The following DDX47 variants were observed in gnomAD, a reference collection of about 807,000 sequenced individuals.
DDX47 encodes DEAD-box helicase 47.
DDX47 carries 60 observed loss-of-function variants against 58.8 expected under a neutral mutation model. The ratio of observed to expected loss-of-function variants is 1.02; its 90% CI spans 0.83 to 1.26. The LOEUF is 1.26. DDX47 is among the 50% of genes most tolerant of loss of function. The pLI is 0.00. For missense variants in DDX47, 530 were observed against 573.2 expected, an observed-to-expected ratio of 0.92 and a Z score of 0.77; for synonymous variants, 197 against 204.6, an observed-to-expected ratio of 0.96 and a Z score of 0.32.
chr12:12,822,516 A>G, intron 5 of DDX47, 145 bp from the exon 6 acceptor site: 1 of 637,720 alleles, frequency 1.6e-6, no homozygotes, highest in Non-Finnish European at 2.8e-6. Context: ...AGTAAACTTT[A>G]GCTGAATCAA....
At position 12,814,224 on chromosome 12, in the gene DDX47, G is replaced by A; in HGVS notation, c.181G>A (p.Gly61Ser). 6.3e-7 allele frequency: 1 copy of A among 1,596,168 alleles called. No homozygotes were observed. Among genetic ancestry groups the A allele is most frequent in the South Asian group, 1.1e-5 (1 of 90,634 alleles). Residue 61 changes from glycine to serine, a missense_variant and splice_region_variant, in exon 2 of 12, where the codon GGT becomes AGT. Gly to Ser is a moderately conservative substitution (Grantham distance 56, BLOSUM62 0). Transcript: ENST00000358007. Reference sequence around the variant, plus strand: ...TGAAGCTATTCCTTTGGCCTTACAAGGTAGGTTGTATGACTTCGTACAGAT... The same window carrying A: ...TGAAGCTATTCCTTTGGCCTTACAAAGTAGGTTGTATGACTTCGTACAGAT... ...QIEAIPLALQGRDIIGLAETG... is the reference protein window; with the variant it reads ...QIEAIPLALQSRDIIGLAETG...
chr12:12,813,592 G>T (rs1862848217), intron 1 of DDX47, 138 bp downstream of exon 1: 1 of 831,272 alleles, frequency 1.2e-6, no homozygotes, highest in Admixed American at 2.4e-5. Context: ...AATTTCAGAG[G>T]GCTGGGTTTC....
At chr12:12,813,924 T>A (rs1862853200) in intron 1 of DDX47, among the ~76,000 whole-genome samples, 1 of 152,238 alleles carries the variant, frequency 6.6e-6, no homozygotes, top group Non-Finnish European at 1.5e-5. Context: ...GTAAAGCACC[T>A]GGCCTTGGCC....
intron 4 of DDX47, 28 bp from the exon 5 acceptor site, chr12:12,821,935 TCA>T: frequency 1.4e-6 from 2 of 1,449,030 alleles, no homozygotes; most frequent in Non-Finnish European, 1.9e-6. Flanking sequence ...TTCTGAAATG[TCA>T]CTGTTTCTCC....
intron 1 of DDX47, 185 bp downstream of exon 1, chr12:12,813,639 G>A (rs1004475818): frequency 4.0e-5 from 25 of 621,976 alleles, no homozygotes; most frequent in African/African-American, 3.9e-4. Flanking sequence ...GAGGGCTGCT[G>A]GGCCCTGAGA....
At chr12:12,828,873 G>A (rs1016338467) in intron 11 of DDX47, among the ~76,000 whole-genome samples, 3 of 152,140 alleles carry the variant, frequency 2.0e-5, no homozygotes, top group African/African-American at 4.8e-5. Flanking sequence ...TCATGTGATC[G>A]TTTCTTAATG....
chr12:12,821,588 A>G (rs1221213268), intron 3 of DDX47, 67 bp from the exon 4 acceptor site: 1 of 1,522,270 alleles, frequency 6.6e-7, no homozygotes. Context: ...CATTGGCTTT[A>G]AAAGATGTTC....
chr12:12,814,035 A>G (rs1862856582), intron 1 of DDX47, 96 bp from the exon 2 acceptor site: 3 of 809,410 alleles, frequency 3.7e-6, no homozygotes, highest in Non-Finnish European at 6.6e-6. Flanking sequence ...TAAATCAAAT[A>G]CAATGGTTGT....
At chr12:12,828,409 C>G (rs577474420) in intron 11 of DDX47, among the ~76,000 whole-genome samples, 267 of 152,216 alleles carry the variant, frequency 1.8e-3, no homozygotes, top group Middle Eastern at 0.014. Flanking sequence ...TCATATGTAT[C>G]TGCAAATATT....
In DDX47 at chr12:12,823,879, C is replaced by G; in HGVS notation, c.760C>G (p.Leu254Val). 1 of 1,613,490 alleles carries G rather than the reference C, an allele frequency of 6.2e-7. No individual in the cohort carries two copies. Among genetic ancestry groups the G allele is most frequent in the Non-Finnish European group, 8.5e-7 (1 of 1,179,754 alleles). The change falls in exon 8 of 12, where the codon CTG becomes GTG. Residue 254 changes from leucine to valine, a missense_variant. Coordinates refer to ENST00000358007, the MANE Select transcript of DDX47 (RefSeq NM_016355.4). ...FIPSKFKDTY[L>V]VYILNELAGN... ...TGGGTTTGTAACTTAGGATACCTAC[C>G]TGGTTTATATTCTAAATGAATTGGC...
intron 2 of DDX47, among the ~76,000 whole-genome samples, chr12:12,819,031 CCTGGTTTAA>C (rs1862934909): frequency 6.6e-6 from 1 of 152,140 alleles, no homozygotes; most frequent in Non-Finnish European, 1.5e-5. Context: ...CATGGCAGAT[CCTGGTTTAA>C]CTGATTAATG....
Position 12,829,562 on chromosome 12 carries a change from T to C in DDX47, c.*8T>C. The C allele has an allele frequency of 1.2e-6, 2 of 1,612,896 alleles. No individual in the cohort carries two copies. Among genetic ancestry groups the C allele is most frequent in the South Asian group, 2.2e-5 (2 of 90,830 alleles). On this transcript the variant is annotated 3_prime_UTR_variant, in exon 12 of 12. Coordinates refer to ENST00000358007, the MANE Select transcript of DDX47 (RefSeq NM_016355.4). ...AAGCGGAAAGGCCGTTAATCACTTTTATGAAGGCTCGAGTTCTGCTGTTCT... is the reference window on the plus strand; with the variant it reads ...AAGCGGAAAGGCCGTTAATCACTTTCATGAAGGCTCGAGTTCTGCTGTTCT...
intron 9 of DDX47, among the ~76,000 whole-genome samples, chr12:12,825,344 G>C (rs1375232357): frequency 6.6e-6 from 1 of 152,130 alleles, no homozygotes; most frequent in East Asian, 1.9e-4. Context: ...CGAATTCCTT[G>C]TTGTGGGGGT....
intron 4 of DDX47, 68 bp downstream of exon 4, chr12:12,821,794 A>G: frequency 8.7e-6 from 12 of 1,372,672 alleles, no homozygotes; most frequent in Non-Finnish European, 1.2e-5. Context: ...AGTGTTGGAT[A>G]GAAAGACTTT....
Position 12,826,091 on chromosome 12 carries a change from G to A in DDX47, c.1106+21G>A, listed in dbSNP as rs199576460. The A allele has an allele frequency of 1.8e-3, 2,854 of 1,607,448 alleles. 8 individuals carry two copies. Among genetic ancestry groups the A allele is most frequent in the Non-Finnish European group, 2.2e-3 (2,625 of 1,176,042 alleles). ...ACACAGTAAGTAAATCAGCTTTAGG[G>A]CCGAGCAATGTAGAGAAAAGAGCAG... is the stretch of plus-strand genomic sequence containing the variant. On this transcript the variant is annotated intron_variant, in intron 10 of 11. Coordinates refer to ENST00000358007, the MANE Select transcript of DDX47 (RefSeq NM_016355.4).
At chr12:12,818,785 C>T (rs879906307) in intron 2 of DDX47, among the ~76,000 whole-genome samples, 24 of 152,226 alleles carry the variant, frequency 1.6e-4, no homozygotes, top group Admixed American at 1.4e-3. Context: ...GCACTTATTA[C>T]GTGGTGGCGG....
In DDX47 at chr12:12,827,288, G is replaced by C; in HGVS notation, c.1149G>C (p.Gly383=). ...ELFQRIEHLI[G]KKLPGFPTQD... ...TCCAGCGCATAGAACACTTAATTGG[G>C]AAGAAACTACCAGGTTTTCCAACAC... The change falls in exon 11 of 12, where the codon GGG becomes GGC. Residue 383 remains glycine (G), a synonymous_variant. Transcript: ENST00000358007. 6.2e-7 allele frequency: 1 copy of C among 1,614,130 alleles called. No homozygotes were observed. Among genetic ancestry groups the C allele is most frequent in the Non-Finnish European group, 8.5e-7 (1 of 1,180,032 alleles).
At chr12:12,823,149 A>T in intron 6 of DDX47, 54 bp from the exon 7 acceptor site, 1 of 1,144,568 alleles carries the variant, frequency 8.7e-7, no homozygotes, top group South Asian at 1.2e-5. Flanking sequence ...AAACCATGTC[A>T]TAAATAAAGA....
intron 1 of DDX47, 21 bp downstream of exon 1, chr12:12,813,475 C>A (rs766346749): frequency 3.8e-6 from 6 of 1,588,862 alleles, no homozygotes; most frequent in Non-Finnish European, 5.1e-6. Context: ...ATGACGCTGG[C>A]TTCTTTTATG....
Sources: gnomAD v4.1 joint callset for allele counts (sites outside exome capture counted in the v4.1 genomes callset) on GRCh38, gnomAD v4.1.1 for gene constraint, MANE v1.5 for transcripts, NCBI Gene and HGNC (gene_info 2026-07-23, HGNC 2026-07-21) for gene names.